DDX10: variants seen among roughly 807,000 people sequenced by gnomAD.
DDX10 encodes probable ATP-dependent RNA helicase DDX10.
DDX10 carries 74 observed loss-of-function variants against 104.3 expected under a neutral mutation model. That is an observed-to-expected ratio of 0.71 (90% CI 0.59 to 0.86). The LOEUF (loss-of-function observed/expected upper bound fraction) is 0.86. Ranked by LOEUF, DDX10 falls within the 40% of genes least tolerant of loss-of-function variation. The pLI is 0.00. For missense variants in DDX10, 952 were observed against 1,040.0 expected (o/e 0.92, Z 1.16); for synonymous variants, 351 against 353.4 (o/e 0.99, Z 0.08).
chr11:108,854,886 A>G (rs1478507996), intron 16 of DDX10, among the ~76,000 whole-genome samples: 2 of 152,204 alleles, frequency 1.3e-5, no homozygotes, highest in East Asian at 1.9e-4. Context: ...ATTGCTTTAA[A>G]GTGTGAGTAG....
At chr11:108,733,856 C>T (rs2094315221) in intron 13 of DDX10, among the ~76,000 whole-genome samples, 2 of 151,920 alleles carry the variant, frequency 1.3e-5, no homozygotes, top group South Asian at 4.2e-4. Context: ...GTTTACCTTC[C>T]ATGCTACCCT....
intron 13 of DDX10, among the ~76,000 whole-genome samples, chr11:108,771,050 G>A (rs2094362511): frequency 6.6e-6 from 1 of 152,140 alleles, no homozygotes; most frequent in Non-Finnish European, 1.5e-5. Context: ...ATTTTAACTG[G>A]GGTGAGATGA....
chr11:108,720,889 G>C (rs1181987046), intron 12 of DDX10, among the ~76,000 whole-genome samples: 1 of 126,722 alleles, frequency 7.9e-6, no homozygotes, highest in Admixed American at 8.9e-5. Context: ...CACTGTGCCT[G>C]GCCGGGTTTT....
intron 13 of DDX10, among the ~76,000 whole-genome samples, chr11:108,761,224 C>A (rs1341279313): frequency 1.3e-5 from 2 of 152,034 alleles, no homozygotes; most frequent in Admixed American, 1.3e-4. Flanking sequence ...ATGAGCGGAT[C>A]TTTTTCAACT....
chr11:108,803,246 T>C (rs1471657715), intron 13 of DDX10, among the ~76,000 whole-genome samples: 1 of 148,880 alleles, frequency 6.7e-6, no homozygotes, highest in African/African-American at 2.5e-5. Flanking sequence ...GTGAATAATA[T>C]TACCTAGTAG....
intron 9 of DDX10, among the ~76,000 whole-genome samples, chr11:108,705,157 C>T (rs150973310): frequency 2.6e-5 from 4 of 152,232 alleles, no homozygotes; most frequent in Non-Finnish European, 4.4e-5. Flanking sequence ...TGTTTGTGTA[C>T]GCTGGCTTCA....
intron 11 of DDX10, among the ~76,000 whole-genome samples, chr11:108,719,156 A>G (rs1367530994): frequency 6.7e-6 from 1 of 148,668 alleles, no homozygotes; most frequent in Non-Finnish European, 1.5e-5. Context: ...GTTAATGATG[A>G]ATTACTTGAA....
chr11:108,805,399 C>T (rs1297540024), intron 13 of DDX10, among the ~76,000 whole-genome samples: 2 of 152,154 alleles, frequency 1.3e-5, no homozygotes, highest in Non-Finnish European at 2.9e-5. Context: ...TTTAAAGTAG[C>T]AAGTGGTACA....
intron 16 of DDX10, among the ~76,000 whole-genome samples, chr11:108,856,517 C>T (rs998717137): frequency 6.6e-6 from 1 of 151,862 alleles, no homozygotes; most frequent in African/African-American, 2.4e-5. Context: ...AACTAATGGA[C>T]TTGAGAGATG....
intron 13 of DDX10, among the ~76,000 whole-genome samples, chr11:108,785,364 G>A (rs936378429): frequency 6.6e-6 from 1 of 151,986 alleles, no homozygotes; most frequent in African/African-American, 2.4e-5. Flanking sequence ...CTATGTTCAT[G>A]AGAAATATTG....
rs534192360 is a variant in DDX10, at chr11:108,721,003, A to G, written c.1499+1118A>G. 9.2e-5 allele frequency among the ~76,000 whole-genome samples: 14 copies of G among 151,546 alleles called. 1 individual carries two copies. The South Asian group carries it at 2.9e-3, about 32-fold the overall frequency. ...AACATTGGCACAATCTTATAGAAGC[A>G]CCTTTGAGATAATCATACTTTGAAT... is the stretch of plus-strand genomic sequence containing the variant. On this transcript the variant is annotated intron_variant, in intron 12 of 17. Coordinates refer to ENST00000322536, the MANE Select transcript of DDX10 (RefSeq NM_004398.4).
intron 11 of DDX10, 71 bp downstream of exon 11, chr11:108,716,037 C>A: frequency 4.8e-6 from 4 of 841,394 alleles, no homozygotes; most frequent in Non-Finnish European, 7.9e-6. Context: ...TCTGCTACTT[C>A]TAGGTTGCAT....
intron 16 of DDX10, among the ~76,000 whole-genome samples, chr11:108,864,093 A>T (rs1055154296): frequency 6.6e-6 from 1 of 152,190 alleles, no homozygotes; most frequent in Non-Finnish European, 1.5e-5. Context: ...TCTTGTGAAG[A>T]TAATACATGT....
intron 13 of DDX10, among the ~76,000 whole-genome samples, chr11:108,819,825 CT>C (rs1565288704): frequency 6.6e-6 from 1 of 152,182 alleles, no homozygotes; most frequent in African/African-American, 2.4e-5. Flanking sequence ...TCTCGAACTC[CT>C]GACCTCAGGT....
chr11:108,881,923 C>A (rs982145910), intron 16 of DDX10, among the ~76,000 whole-genome samples: 2 of 151,824 alleles, frequency 1.3e-5, no homozygotes, highest in Admixed American at 1.3e-4. Flanking sequence ...TTTTTGCCAC[C>A]ACTCTATATG....
intron 16 of DDX10, among the ~76,000 whole-genome samples, chr11:108,895,700 A>T (rs1863431411): frequency 6.6e-6 from 1 of 152,106 alleles, no homozygotes; most frequent in African/African-American, 2.4e-5. Context: ...CCCAAAATTC[A>T]GTAGTTCTGA....
intron 16 of DDX10, among the ~76,000 whole-genome samples, chr11:108,873,458 C>G (rs1386793380): frequency 6.6e-6 from 1 of 152,108 alleles, no homozygotes; most frequent in African/African-American, 2.4e-5. Context: ...ACTAAACAAC[C>G]CCTTTATTAT....
intron 16 of DDX10, among the ~76,000 whole-genome samples, chr11:108,909,458 G>A (rs1251965306): frequency 7.3e-6 from 1 of 137,472 alleles, no homozygotes; most frequent in Admixed American, 7.5e-5. Context: ...CCCCACTCCC[G>A]CCCCTTCCCT....
intron 16 of DDX10, among the ~76,000 whole-genome samples, chr11:108,898,877 T>C (rs1013100907): frequency 1.3e-5 from 2 of 152,196 alleles, no homozygotes; most frequent in African/African-American, 2.4e-5. Flanking sequence ...CCCCTTTGCC[T>C]TCTGAAGGTT....
Sources: allele counts gnomAD v4.1 joint callset (sites outside exome capture counted in the v4.1 genomes callset), GRCh38; gene constraint gnomAD v4.1.1; transcripts MANE v1.5; gene names NCBI Gene and HGNC (gene_info 2026-07-23, HGNC 2026-07-21).